Variants in KLHDC10 observed in about 807,000 individuals in gnomAD.
KLHDC10 encodes the protein kelch domain-containing protein 10.
In KLHDC10, 24 loss-of-function variants were observed where a neutral mutation model predicts 56.1. The ratio of observed to expected loss-of-function variants is 0.43; its 90% CI spans 0.31 to 0.60. The LOEUF is 0.60. Among genes scored for constraint, KLHDC10 ranks in the 20% least tolerant of loss-of-function variants. KLHDC10 has a pLI of 0.11. For missense variants in KLHDC10, 349 were observed against 567.0 expected, an observed-to-expected ratio of 0.62 and a Z score of 3.91; for synonymous variants, 188 against 207.1, an observed-to-expected ratio of 0.91 and a Z score of 0.79.
chr7:130,114,630 G>A (rs1201422824), intron 2 of KLHDC10, among the ~76,000 whole-genome samples: 1 of 152,080 alleles, frequency 6.6e-6, no homozygotes, highest in Non-Finnish European at 1.5e-5. Flanking sequence ...TTCATTTAAG[G>A]TAAATAGTAA....
intron 1 of KLHDC10, among the ~76,000 whole-genome samples, chr7:130,074,898 C>T (rs567288540): frequency 1.3e-5 from 2 of 152,172 alleles, no homozygotes; most frequent in African/African-American, 4.8e-5. Flanking sequence ...CGTGAGCCAC[C>T]GTGCCTGGCC....
At chr7:130,074,889 G>T (rs377432021) in intron 1 of KLHDC10, among the ~76,000 whole-genome samples, 1 of 152,086 alleles carries the variant, frequency 6.6e-6, no homozygotes, top group Admixed American at 6.6e-5. Context: ...GATTACAGGC[G>T]TGAGCCACCG....
At chr7:130,094,137 G>T (rs1795817589) in intron 1 of KLHDC10, among the ~76,000 whole-genome samples, 1 of 151,980 alleles carries the variant, frequency 6.6e-6, no homozygotes, top group South Asian at 2.1e-4. Flanking sequence ...TGTTGGCCAG[G>T]CTGGTCTCAA....
chr7:130,083,716 C>T (rs1228616227), intron 1 of KLHDC10, among the ~76,000 whole-genome samples: 1 of 152,168 alleles, frequency 6.6e-6, no homozygotes, highest in Non-Finnish European at 1.5e-5. Flanking sequence ...CGTCACTGCA[C>T]TCCAGCCTGG....
At chr7:130,096,878 GTGT>G in intron 1 of KLHDC10, 40 bp from the exon 2 acceptor site, 1 of 1,342,338 alleles carries the variant, frequency 7.4e-7, no homozygotes, top group Non-Finnish European at 1.1e-6. Flanking sequence ...TATTTGCAAT[GTGT>G]TGTATGTGTC....
At chr7:130,071,511 A>T (rs1249463038) in intron 1 of KLHDC10, among the ~76,000 whole-genome samples, 3 of 152,260 alleles carry the variant, frequency 2.0e-5, no homozygotes, top group Non-Finnish European at 2.9e-5. Flanking sequence ...CAATTATTTG[A>T]CATTTTGGTC....
chr7:130,128,889 A>AAAAAAAAAAAAAAAATATATATATAT, intron 8 of KLHDC10, among the ~76,000 whole-genome samples: 15 of 66,936 alleles, frequency 2.2e-4, no homozygotes, highest in Non-Finnish European at 3.3e-4. Flanking sequence ...AAAAAAAAAA[A>AAAAAAAAAAAAAAAATATATATATAT]ATATATATAT....
At chr7:130,108,556 CA>C (rs71175086) in intron 2 of KLHDC10, among the ~76,000 whole-genome samples, 34,837 of 85,538 alleles carry the variant, frequency 0.41, 5,533 homozygotes, top group African/African-American at 0.48. Flanking sequence ...ACCAAATATC[CA>C]AAAAAAAAAA....
chr7:130,112,754 A>G (rs996987537), intron 2 of KLHDC10, among the ~76,000 whole-genome samples: 2 of 152,232 alleles, frequency 1.3e-5, no homozygotes, highest in African/African-American at 4.8e-5. Context: ...AGAAATCTGT[A>G]GTTACTGGCG....
rs1468898598 is a variant in KLHDC10 at position 130,134,072 on chromosome 7, AG to A, written c.*3327del. The A allele has an allele frequency of 1.3e-5, 2 of 152,236 alleles. No homozygotes were observed. Among genetic ancestry groups the A allele is most frequent in the Non-Finnish European group, 2.9e-5 (2 of 68,042 alleles). 9.4% of individuals were successfully genotyped at this position (152,236 alleles called of 1,614,324 possible). A position where few individuals can be genotyped will look rare whatever the true frequency, so the allele number is the denominator to read the frequency against. On this transcript the variant is annotated 3_prime_UTR_variant, in exon 10 of 10. Coordinates refer to ENST00000335420, the MANE Select transcript of KLHDC10 (RefSeq NM_014997.4). The stretch of plus-strand genomic sequence containing the variant: ...TTAACAGTGACCTTTGGTTATCCAC[AG>A]TAGCAAGAGTAAAGCACAGATCATT...
rs750743120 is a variant in KLHDC10, at chr7:130,070,779, G to C, written c.136G>C (p.Val46Leu). Residue 46 changes from valine to leucine, a missense_variant, in exon 1 of 10, where the codon GTG becomes CTG. This residue lies in a region of KLHDC10 where 104 missense variants were observed against 97.0 expected (regional missense o/e 1.07). Coordinates refer to ENST00000335420, the MANE Select transcript of KLHDC10 (RefSeq NM_014997.4). ...GGGGACTGGCCAGCTCAACCGCTTC[G>C]TGCAACTCTCCGGGCGGCCGCACCT... ...GRGTGQLNRF[V>L]QLSGRPHLPG... 2 of 1,307,420 alleles carry C rather than the reference G, an allele frequency of 1.5e-6. No individual in the cohort carries two copies. Among genetic ancestry groups the C allele is most frequent in the Non-Finnish European group, 1.9e-6 (2 of 1,025,648 alleles). 81.0% of individuals were successfully genotyped at this position (1,307,420 alleles called of 1,614,324 possible). A position where few individuals can be genotyped will look rare whatever the true frequency, so the allele number is the denominator to read the frequency against.
At chr7:130,107,625 C>T (rs1402300391) in intron 2 of KLHDC10, among the ~76,000 whole-genome samples, 1 of 151,918 alleles carries the variant, frequency 6.6e-6, no homozygotes, top group African/African-American at 2.4e-5. Flanking sequence ...GGGCGGTTCA[C>T]GTGGGGTCAA....
intron 6 of KLHDC10, among the ~76,000 whole-genome samples, chr7:130,124,862 A>G (rs1796293938): frequency 6.6e-6 from 1 of 152,238 alleles, no homozygotes; most frequent in South Asian, 2.1e-4. Context: ...AGAATGTCAC[A>G]TCCGCATCAT....
Position 130,124,478 on chromosome 7 carries a change from G to A in KLHDC10, c.807G>A (p.Gly269=). 6.2e-7 allele frequency: 1 copy of A among 1,603,554 alleles called. No individual in the cohort carries two copies. Among genetic ancestry groups the A allele is most frequent in the Non-Finnish European group, 8.5e-7 (1 of 1,171,022 alleles). ...ERYRHEIAHD[G]QRIYILGGGT... ...ACCGACATGAAATTGCACATGACGG[G>A]CAGAGGATTTACATCTTGGGAGGTG... Residue 269 remains glycine (G), a synonymous_variant, in exon 6 of 10, where the codon GGG becomes GGA. Coordinates refer to ENST00000335420, the MANE Select transcript of KLHDC10 (RefSeq NM_014997.4).
chr7:130,126,030 G>C, intron 7 of KLHDC10, 99 bp downstream of exon 7: 1 of 849,606 alleles, frequency 1.2e-6, no homozygotes. Flanking sequence ...TATATGTCAA[G>C]TTAAATACCT....
intron 4 of KLHDC10, among the ~76,000 whole-genome samples, chr7:130,121,438 G>A (rs1407494001): frequency 6.6e-6 from 1 of 152,228 alleles, no homozygotes; most frequent in Non-Finnish European, 1.5e-5. Flanking sequence ...CTCTTTGAGA[G>A]TTTAAGCTTA....
At chr7:130,129,112 C>G (rs1796361174) in intron 8 of KLHDC10, among the ~76,000 whole-genome samples, 1 of 151,768 alleles carries the variant, frequency 6.6e-6, no homozygotes, top group Admixed American at 6.6e-5. Context: ...CCTGAGACTT[C>G]TGTTTGTTTA....
At chr7:130,127,224 G>A (rs1355004319) in intron 7 of KLHDC10, among the ~76,000 whole-genome samples, 180 bp from the exon 8 acceptor site, 1 of 152,218 alleles carries the variant, frequency 6.6e-6, no homozygotes, top group Non-Finnish European at 1.5e-5. Context: ...GTACTGTTAT[G>A]ATGAGACTCC....
intron 1 of KLHDC10, 61 bp downstream of exon 1, chr7:130,070,870 T>A: frequency 8.3e-7 from 1 of 1,210,050 alleles, no homozygotes; most frequent in African/African-American, 1.5e-5. Context: ...TACCTTTTCT[T>A]TTTCTCCCTG....
Sources: gnomAD v4.1 joint callset for allele counts (sites outside exome capture counted in the v4.1 genomes callset) on GRCh38, gnomAD v4.1.1 for gene constraint, gnomAD v4.1.1 regional missense constraint, MANE v1.5 for transcripts, NCBI Gene and HGNC (gene_info 2026-07-23, HGNC 2026-07-21) for gene names.